STXBP5: variants seen among roughly 807,000 people sequenced by gnomAD.
STXBP5 encodes syntaxin-binding protein 5.
In STXBP5, 50 loss-of-function variants were observed where a neutral mutation model predicts 152.4. That is an observed-to-expected ratio of 0.33 (90% CI 0.26 to 0.42). The LOEUF (loss-of-function observed/expected upper bound fraction) is 0.42, where lower values mean the gene tolerates loss of function less well. STXBP5 is among the 10% of genes least tolerant of loss of function. STXBP5 has a pLI of 1.00. For synonymous variants in STXBP5, 492 were observed against 494.7 expected, an observed-to-expected ratio of 0.99 and a Z score of 0.07; for missense variants, 1,167 against 1,388.6, an observed-to-expected ratio of 0.84 and a Z score of 2.54.
At chr6:147,323,075 TCTG>T (rs1783019037) in intron 16 of STXBP5, among the ~76,000 whole-genome samples, 1 of 150,894 alleles carries the variant, frequency 6.6e-6, no homozygotes, top group South Asian at 2.1e-4. Flanking sequence ...CTTCCTTCTG[TCTG>T]ATTGTACATT....
At chr6:147,270,260 G>T (rs992800531) in intron 7 of STXBP5, among the ~76,000 whole-genome samples, 1 of 151,768 alleles carries the variant, frequency 6.6e-6, no homozygotes, top group Admixed American at 6.6e-5. Flanking sequence ...TTAGCTGGGC[G>T]TGGTGGCAGG....
intron 19 of STXBP5, among the ~76,000 whole-genome samples, chr6:147,335,065 A>G (rs754222234): frequency 1.3e-5 from 2 of 152,150 alleles, no homozygotes; most frequent in African/African-American, 2.4e-5. Flanking sequence ...GCCTTTTACA[A>G]TTGCATTTTC....
intron 21 of STXBP5, chr6:147,351,735 G>T: frequency 2.8e-6 from 1 of 353,108 alleles, no homozygotes; most frequent in Non-Finnish European, 4.0e-6. Flanking sequence ...TTAAGTTAAT[G>T]AAGCTGAGAA....
intron 26 of STXBP5, 61 bp downstream of exon 26, chr6:147,373,903 A>T (rs1785684813): frequency 6.4e-6 from 8 of 1,248,160 alleles, no homozygotes; most frequent in Admixed American, 4.2e-5. Flanking sequence ...CCATACAAAA[A>T]TTTTTTTATA....
At chr6:147,229,557 T>A (rs1422878340) in intron 2 of STXBP5, among the ~76,000 whole-genome samples, 1 of 151,998 alleles carries the variant, frequency 6.6e-6, no homozygotes, top group Non-Finnish European at 1.5e-5. Context: ...AGCAGTACTT[T>A]GTAGTTTTTA....
chr6:147,266,303 C>T (rs1296314169), intron 6 of STXBP5, among the ~76,000 whole-genome samples: 3 of 151,864 alleles, frequency 2.0e-5, no homozygotes, highest in African/African-American at 4.8e-5. Flanking sequence ...TTACCCTGTT[C>T]GGTTTGTATT....
intron 19 of STXBP5, among the ~76,000 whole-genome samples, chr6:147,334,612 T>C (rs1268748264): frequency 6.6e-6 from 1 of 152,162 alleles, no homozygotes; most frequent in East Asian, 1.9e-4. Flanking sequence ...AGAATAATTA[T>C]AGACTAGTTG....
chr6:147,347,995 A>G (rs1784415215), intron 21 of STXBP5, among the ~76,000 whole-genome samples: 1 of 152,194 alleles, frequency 6.6e-6, no homozygotes, highest in Non-Finnish European at 1.5e-5. Context: ...TATTATTTGA[A>G]TTCTTTATAA....
At chr6:147,339,113 C>A in intron 19 of STXBP5, 66 bp from the exon 20 acceptor site, 1 of 1,335,474 alleles carries the variant, frequency 7.5e-7, no homozygotes. Flanking sequence ...GTACATTTTT[C>A]TTGTTACAGC....
At position 147,204,687 on chromosome 6, in the gene STXBP5, ACGGAG is replaced by A; in HGVS notation, c.150+8_150+12del. The A allele has an allele frequency of 6.4e-7, 1 of 1,573,602 alleles. No homozygotes were observed. The highest frequency in any genetic ancestry group is 8.6e-7 in the Non-Finnish European group (1 of 1,158,798). On this transcript the variant is annotated splice_donor_region_variant and intron_variant, in intron 1 of 27. Coordinates refer to ENST00000321680, the MANE Select transcript of STXBP5 (RefSeq NM_001127715.4). This position sits in a 1 kb window ranked among gnomAD's most constrained non-coding sequence, Gnocchi z 4.3. ...GAGCACTTTCAGCTCTGCAAGGTGA[ACGGAG>A]CGCGCAGCCCCGCGACACCGTCATT...
rs537079818 is a variant in STXBP5, at chr6:147,263,571, T to C, written c.630+1218T>C. 8.6e-5 allele frequency among the ~76,000 whole-genome samples: 13 copies of C among 152,038 alleles called. 1 individual carries two copies. In the South Asian group the frequency reaches 2.3e-3, roughly 27 times the overall value. Reference sequence around the variant, plus strand: ...GTAGTATCTAACAAATAAAATCAGTTTTTCTTGAAATATAGCCCTAGATTT... The same window carrying C: ...GTAGTATCTAACAAATAAAATCAGTCTTTCTTGAAATATAGCCCTAGATTT... On this transcript the variant is annotated intron_variant, in intron 6 of 27. Transcript: ENST00000321680.
intron 26 of STXBP5, among the ~76,000 whole-genome samples, chr6:147,382,460 T>C (rs1786134463): frequency 6.6e-6 from 1 of 152,136 alleles, no homozygotes; most frequent in Non-Finnish European, 1.5e-5. Flanking sequence ...AGAGCAGTTT[T>C]TGCCATTATG....
chr6:147,360,731 A>G (rs1013239385), intron 23 of STXBP5, among the ~76,000 whole-genome samples: 1 of 152,192 alleles, frequency 6.6e-6, no homozygotes, highest in Non-Finnish European at 1.5e-5. Flanking sequence ...AAAAAATAGT[A>G]CTAGACTTCA....
rs548216107 is a variant in STXBP5 at position 147,235,302 on chromosome 6, G to A, written c.301G>A (p.Val101Ile). Reference protein sequence around the residue: ...CYCQHDSGAAVIQLQFLINEG... With the variant: ...CYCQHDSGAAIIQLQFLINEG... ...TTGCCAGCATGACAGTGGAGCTGCA[G>A]TAATCCAGCTCCAGTTCCTGATTAA... The change falls in exon 3 of 28, where the codon GTA becomes ATA. Residue 101 changes from valine to isoleucine, a missense_variant. By Grantham distance (29) the Val-to-Ile change is conservative. This residue lies in a region of STXBP5 where 310 missense variants were observed against 346.1 expected (regional missense o/e 0.90). Transcript: ENST00000321680. 1.8e-5 allele frequency: 29 copies of A among 1,613,052 alleles called. No homozygotes were observed. The South Asian group carries it at 3.2e-4, about 18-fold the overall frequency.
At chr6:147,316,720 G>C (rs1782662890) in intron 16 of STXBP5, among the ~76,000 whole-genome samples, 1 of 152,040 alleles carries the variant, frequency 6.6e-6, no homozygotes, top group Admixed American at 6.5e-5. Flanking sequence ...TGATTTATAT[G>C]TAGCTTGGAT....
intron 25 of STXBP5, among the ~76,000 whole-genome samples, chr6:147,367,398 G>T (rs1255424453): frequency 6.6e-6 from 1 of 152,156 alleles, no homozygotes; most frequent in Non-Finnish European, 1.5e-5. Context: ...CAGCACTTTG[G>T]GAGGCCGAGG....
At chr6:147,213,486 A>G (rs1474587814) in intron 2 of STXBP5, among the ~76,000 whole-genome samples, 4 of 117,130 alleles carry the variant, frequency 3.4e-5, no homozygotes, top group Admixed American at 2.3e-4. Flanking sequence ...GTGCGCGCGC[A>G]TATATATATT....
intron 2 of STXBP5, among the ~76,000 whole-genome samples, chr6:147,206,761 A>G (rs1776585836): frequency 6.6e-6 from 1 of 152,190 alleles, no homozygotes; most frequent in Non-Finnish European, 1.5e-5. Flanking sequence ...TGTATGAACT[A>G]TATTAGTTTT....
intron 19 of STXBP5, among the ~76,000 whole-genome samples, chr6:147,335,847 A>G (rs1582961929): frequency 6.6e-6 from 1 of 152,306 alleles, no homozygotes; most frequent in East Asian, 1.9e-4. Flanking sequence ...AAAACCCTGT[A>G]AATTCTCAAA....
Sources: allele counts gnomAD v4.1 joint callset (sites outside exome capture counted in the v4.1 genomes callset), GRCh38; gene constraint gnomAD v4.1.1; regional missense constraint gnomAD v4.1.1; non-coding constraint Gnocchi (gnomAD v3.1); transcripts MANE v1.5; gene names NCBI Gene and HGNC (gene_info 2026-07-23, HGNC 2026-07-21).